Variants in POLN observed in about 807,000 individuals in gnomAD.
POLN encodes the protein DNA polymerase nu.
Under a neutral mutation model 113.5 loss-of-function variants are expected in POLN, and 108 were observed. The ratio of observed to expected loss-of-function variants is 0.95; its 90% CI spans 0.81 to 1.12. The LOEUF is 1.12. Ranked by LOEUF, POLN falls within the 50% of genes most tolerant of loss-of-function variation. POLN has a pLI of 0.00. For synonymous variants in POLN, 386 were observed against 391.5 expected (o/e 0.99, Z 0.17); for missense variants, 1,097 against 1,077.1 (o/e 1.02, Z -0.26).
chr4:2,179,335 T>G lies in POLN; in HGVS notation c.1152A>C (p.Thr384=), dbSNP rs199662132. The change falls in exon 8 of 26, where the codon ACA becomes ACC. Residue 384 remains threonine (T), a synonymous_variant. Coordinates refer to ENST00000511885, the MANE Select transcript of POLN (RefSeq NM_181808.4). ...CAATATTTCTTGAGGAATTTCCATATGTGCTGTTCACTTTAACTGTAATGG... is the reference window on the plus strand; with the variant it reads ...CAATATTTCTTGAGGAATTTCCATAGGTGCTGTTCACTTTAACTGTAATGG... ...EKSITVKVNS[T]YGNSSRNIVN... is the part of the protein sequence containing the mutation. 15 of 1,612,884 alleles carry G rather than the reference T, an allele frequency of 9.3e-6. No homozygotes were observed. The highest frequency in any genetic ancestry group is 1.3e-5 in the Non-Finnish European group (15 of 1,179,258).
chr4:2,074,204 GGA>G (rs1730221108), intron 24 of POLN, among the ~76,000 whole-genome samples: 1 of 152,214 alleles, frequency 6.6e-6, no homozygotes, highest in East Asian at 1.9e-4. Flanking sequence ...GCACTCAGCT[GGA>G]GCGCTCCCTG....
intron 16 of POLN, among the ~76,000 whole-genome samples, chr4:2,149,887 G>T (rs1577723715): frequency 6.6e-6 from 1 of 152,056 alleles, no homozygotes; most frequent in Non-Finnish European, 1.5e-5. Flanking sequence ...TTTGAGACCA[G>T]CCTGGCCAAC....
chr4:2,180,386 T>A (rs1296570623), intron 7 of POLN, among the ~76,000 whole-genome samples: 1 of 152,200 alleles, frequency 6.6e-6, no homozygotes, highest in Non-Finnish European at 1.5e-5. Context: ...AATTTTGAAT[T>A]GTGCCATACA....
chr4:2,078,913 C>G, intron 23 of POLN: 3 of 985,376 alleles, frequency 3.0e-6, no homozygotes, highest in South Asian at 4.7e-5. Flanking sequence ...ATCAATTCCA[C>G]AAGGGCTGAA....
rs960974377 is a variant in POLN at position 2,126,583 on chromosome 4, C to G, written c.1982+1530G>C. Among the ~76,000 whole-genome samples, 1 of 151,932 alleles carries G rather than the reference C, an allele frequency of 6.6e-6. No homozygotes were observed. The highest frequency in any genetic ancestry group is 2.4e-5 in the African/African-American group (1 of 41,352). Reference sequence around the variant, plus strand: ...AGCAGAGACCAGAGAGGAGCGGAGACCAGAGAGAAGCGGAGACCAGAGAGG... The same window carrying G: ...AGCAGAGACCAGAGAGGAGCGGAGAGCAGAGAGAAGCGGAGACCAGAGAGG... On this transcript the variant is annotated intron_variant, in intron 19 of 25. Transcript: ENST00000511885. This position sits in a 1 kb window ranked among gnomAD's most constrained non-coding sequence, Gnocchi z 4.6.
At chr4:2,077,392 T>C (rs1730301273) in intron 23 of POLN, among the ~76,000 whole-genome samples, 1 of 152,204 alleles carries the variant, frequency 6.6e-6, no homozygotes, top group African/African-American at 2.4e-5. Flanking sequence ...CACAGGACAC[T>C]ACGTGGGCCC....
At chr4:2,122,250 A>C (rs1235880920) in intron 19 of POLN, among the ~76,000 whole-genome samples, 1 of 152,224 alleles carries the variant, frequency 6.6e-6, no homozygotes, top group Non-Finnish European at 1.5e-5. Flanking sequence ...CCATCTTCTA[A>C]GACTTCCCAT....
At chr4:2,154,967 C>T (rs976366099) in intron 16 of POLN, among the ~76,000 whole-genome samples, 7 of 152,214 alleles carry the variant, frequency 4.6e-5, no homozygotes, top group African/African-American at 1.4e-4. Context: ...ATTAGAGCTT[C>T]ACTGAGAACC....
rs573317698 is a variant in POLN at position 2,129,166 on chromosome 4, T to G, written c.1867+13A>C. On this transcript the variant is annotated intron_variant, in intron 18 of 25. Transcript: ENST00000511885. The stretch of plus-strand genomic sequence containing the variant: ...CCCTATGAAAATGCATAAAGCAAGC[T>G]ACAGCAACGTACCTGCTGCTAGAAA... 2 of 1,552,176 alleles carry G rather than the reference T, an allele frequency of 1.3e-6. No individual in the cohort carries two copies. The highest frequency in any genetic ancestry group is 2.2e-5 in the South Asian group (2 of 89,800).
At chr4:2,210,966 A>T (rs1258344668) in intron 4 of POLN, among the ~76,000 whole-genome samples, 1 of 136,342 alleles carries the variant, frequency 7.3e-6, no homozygotes, top group South Asian at 2.3e-4. Flanking sequence ...AATAAATAAA[A>T]TAGTCCAGGC....
At chr4:2,113,479 T>C (rs1320700826) in intron 19 of POLN, among the ~76,000 whole-genome samples, 1 of 152,102 alleles carries the variant, frequency 6.6e-6, no homozygotes, top group Non-Finnish European at 1.5e-5. Flanking sequence ...ACAGCGTAAG[T>C]ACTTTATAAT....
At chr4:2,241,865 G>A in intron 1 of POLN, 75 bp from the exon 2 acceptor site, 3 of 985,524 alleles carry the variant, frequency 3.0e-6, no homozygotes, top group Non-Finnish European at 3.6e-6. Context: ...GACAGGCCCC[G>A]CACAGCCCCC....
At chr4:2,163,271 G>A (rs1462389018) in intron 13 of POLN, among the ~76,000 whole-genome samples, 1 of 152,184 alleles carries the variant, frequency 6.6e-6, no homozygotes, top group African/African-American at 2.4e-5. Context: ...GCTATCCCTA[G>A]GTGGGTGAAA....
chr4:2,174,050 T>C, intron 10 of POLN, 31 bp from the exon 11 acceptor site: 1 of 1,607,370 alleles, frequency 6.2e-7, no homozygotes, highest in Non-Finnish European at 8.5e-7. Flanking sequence ...CAGATCATAT[T>C]TGCATTAATG....
chr4:2,198,542 G>A lies in POLN; in HGVS notation c.890C>T (p.Ala297Val), dbSNP rs1361104862. The change falls in exon 6 of 26, where the codon GCA becomes GTA. Residue 297 changes from alanine to valine, a missense_variant. Physicochemically the swap from Ala to Val is moderately conservative, Grantham distance 64 (BLOSUM62 0). Transcript: ENST00000511885. The stretch of plus-strand genomic sequence containing the variant: ...TTCTTACCGGGCAAATTGTTGATGT[G>A]CCTCCTGTTCTTGGTCCCAGATAGC... Reference protein sequence around the residue: ...HSAIWDQEQEAHQQFARNVLF... With the variant: ...HSAIWDQEQEVHQQFARNVLF... The A allele has an allele frequency of 4.3e-6, 7 of 1,609,626 alleles. No individual in the cohort carries two copies. The highest frequency in any genetic ancestry group is 1.1e-5 in the South Asian group (1 of 90,220).
At chr4:2,079,477 G>C in intron 23 of POLN, 1 of 985,662 alleles carries the variant, frequency 1.0e-6, no homozygotes, top group Non-Finnish European at 1.2e-6. Context: ...TGTATGCATG[G>C]GTGAACACGT....
At chr4:2,150,982 T>C (rs1012215265) in intron 16 of POLN, among the ~76,000 whole-genome samples, 3 of 152,146 alleles carry the variant, frequency 2.0e-5, no homozygotes, top group Admixed American at 2.0e-4. Context: ...TCAGAATTCA[T>C]TAAAACTTAA....
chr4:2,089,649 A>G (rs1181686826), intron 20 of POLN: 2 of 784,000 alleles, frequency 2.6e-6, no homozygotes, highest in Non-Finnish European at 4.1e-6. Context: ...ACAAAGGATT[A>G]TCTGAACTTC....
At chr4:2,174,548 G>A (rs1318278532) in intron 10 of POLN, 143 bp downstream of exon 10, 16 of 738,498 alleles carry the variant, frequency 2.2e-5, no homozygotes, top group Non-Finnish European at 3.7e-5. Flanking sequence ...ACTACAGAAA[G>A]GGAAAATAAT....
Sources: allele counts gnomAD v4.1 joint callset (sites outside exome capture counted in the v4.1 genomes callset), GRCh38; gene constraint gnomAD v4.1.1; non-coding constraint Gnocchi (gnomAD v3.1); transcripts MANE v1.5; gene names NCBI Gene and HGNC (gene_info 2026-07-23, HGNC 2026-07-21).